The following RBMS3 variants were observed in gnomAD, a reference collection of about 807,000 sequenced individuals.
The protein encoded by RBMS3 is RNA-binding motif, single-stranded-interacting protein 3.
A neutral mutation model predicts 66.8 loss-of-function variants in RBMS3; 27 were observed. The ratio of observed to expected loss-of-function variants is 0.40; its 90% CI spans 0.30 to 0.56. The LOEUF is 0.56. RBMS3 is among the 20% of genes least tolerant of loss of function. RBMS3 has a pLI of 0.40. For missense variants in RBMS3, 513 were observed against 549.5 expected (o/e 0.93, Z 0.66); for synonymous variants, 188 against 183.0 (o/e 1.03, Z -0.22).
chr3:29,451,761 T>C (rs1038122526), intron 2 of RBMS3, among the ~76,000 whole-genome samples: 7 of 152,174 alleles, frequency 4.6e-5, no homozygotes, highest in Admixed American at 2.6e-4. Flanking sequence ...GATGGGCTAA[T>C]GGACAGGTAC....
chr3:29,840,438 T>C (rs2058633291), intron 6 of RBMS3, among the ~76,000 whole-genome samples: 1 of 152,074 alleles, frequency 6.6e-6, no homozygotes, highest in Non-Finnish European at 1.5e-5. Flanking sequence ...ATTTCTTTAA[T>C]GTTTGACATA....
At chr3:29,989,632 G>T (rs35728307) in intron 13 of RBMS3, among the ~76,000 whole-genome samples, 2,616 of 152,296 alleles carry the variant, frequency 0.017, 30 homozygotes, top group Admixed American at 0.027. Context: ...TCATACCAAG[G>T]TTTAGGAAAT....
At chr3:29,719,554 A>G (rs2053551058) in intron 4 of RBMS3, among the ~76,000 whole-genome samples, 1 of 152,164 alleles carries the variant, frequency 6.6e-6, no homozygotes, top group Non-Finnish European at 1.5e-5. Context: ...TACTCTTATT[A>G]GGTGAAACTA....
chr3:29,447,971 C>A (rs904630705), intron 2 of RBMS3, among the ~76,000 whole-genome samples: 1 of 152,104 alleles, frequency 6.6e-6, no homozygotes, highest in Non-Finnish European at 1.5e-5. Flanking sequence ...CAAAACTGAG[C>A]CTTGCTGATT....
intron 4 of RBMS3, among the ~76,000 whole-genome samples, chr3:29,738,156 C>T (rs929313529): frequency 6.6e-6 from 1 of 152,012 alleles, no homozygotes; most frequent in African/African-American, 2.4e-5. Context: ...AAAATTATTT[C>T]TTGACCTGAA....
At chr3:29,896,589 G>A (rs2060127967) in intron 8 of RBMS3, among the ~76,000 whole-genome samples, 1 of 151,560 alleles carries the variant, frequency 6.6e-6, no homozygotes, top group Admixed American at 6.6e-5. Flanking sequence ...TGAAGGATTT[G>A]AGCATTCAGT....
chr3:30,000,445 T>C (rs1699543073), intron 14 of RBMS3, among the ~76,000 whole-genome samples: 1 of 152,022 alleles, frequency 6.6e-6, no homozygotes, highest in Non-Finnish European at 1.5e-5. Flanking sequence ...TTGGTGGGAG[T>C]GTAAATTAGT....
chr3:29,777,224 T>A (rs1011360559), intron 6 of RBMS3, among the ~76,000 whole-genome samples: 1 of 151,908 alleles, frequency 6.6e-6, no homozygotes, highest in Non-Finnish European at 1.5e-5. Flanking sequence ...TAAATGCTTT[T>A]CTCCTATACT....
At chr3:29,566,166 T>C (rs1054109211) in intron 3 of RBMS3, among the ~76,000 whole-genome samples, 1 of 152,190 alleles carries the variant, frequency 6.6e-6, no homozygotes, top group South Asian at 2.1e-4. Context: ...CTGTTCTCTA[T>C]GATCTTGGCA....
At chr3:29,526,006 T>G (rs1415282519) in intron 3 of RBMS3, among the ~76,000 whole-genome samples, 1 of 152,182 alleles carries the variant, frequency 6.6e-6, no homozygotes, top group Non-Finnish European at 1.5e-5. Flanking sequence ...TTCCTTCACT[T>G]CTTTTGTTCT....
At chr3:29,674,415 G>A (rs1009970965) in intron 4 of RBMS3, among the ~76,000 whole-genome samples, 9 of 151,926 alleles carry the variant, frequency 5.9e-5, no homozygotes, top group Admixed American at 1.3e-4. Flanking sequence ...GTAATCAGGC[G>A]GGAGAAAGAA....
At chr3:29,772,281 T>G (rs1311237718) in intron 6 of RBMS3, among the ~76,000 whole-genome samples, 1 of 151,984 alleles carries the variant, frequency 6.6e-6, no homozygotes, top group African/African-American at 2.4e-5. Flanking sequence ...ATAATAAGTT[T>G]ATGTTGTTTT....
intron 2 of RBMS3, among the ~76,000 whole-genome samples, chr3:29,474,129 G>A (rs377019260): frequency 5.9e-5 from 9 of 152,372 alleles, no homozygotes; most frequent in African/African-American, 2.2e-4. Flanking sequence ...CTCTGCCAAG[G>A]ATAACCACGA....
At chr3:29,988,018 T>C in intron 12 of RBMS3, 125 bp from the exon 13 acceptor site, 1 of 713,926 alleles carries the variant, frequency 1.4e-6, no homozygotes, top group Non-Finnish European at 2.3e-6. Flanking sequence ...TAGTGAAAAT[T>C]GAGCTGGGAA....
At chr3:29,527,214 G>A (rs1266119) in intron 3 of RBMS3, among the ~76,000 whole-genome samples, 51,133 of 128,544 alleles carry the variant, frequency 0.4, 10,087 homozygotes, top group Middle Eastern at 0.51. Context: ...AAAAAAAGAT[G>A]GAAAGTAGCC....
At chr3:29,936,572 A>C (rs1169996470) in intron 11 of RBMS3, among the ~76,000 whole-genome samples, 1 of 152,072 alleles carries the variant, frequency 6.6e-6, no homozygotes, top group Non-Finnish European at 1.5e-5. Context: ...CTACTATATT[A>C]TTAGCAGGTT....
intron 1 of RBMS3, among the ~76,000 whole-genome samples, chr3:29,381,903 G>A (rs1449481893): frequency 6.6e-6 from 1 of 152,146 alleles, no homozygotes; most frequent in Admixed American, 6.5e-5. Flanking sequence ...AGAAAACAGG[G>A]CCTAGCATAG....
chr3:29,982,045 A>G lies in RBMS3; in HGVS notation c.1099-6098A>G, dbSNP rs565008032. On this transcript the variant is annotated intron_variant, in intron 12 of 14. Coordinates refer to ENST00000383767, the MANE Select transcript of RBMS3 (RefSeq NM_001003793.3). ...TCTGGTAGAATTCGGCCATGAATCC[A>G]TCTGCTCCTGGGCTTTTTTTGTTGG... Among the ~76,000 whole-genome samples, 8 of 152,272 alleles carry G rather than the reference A, an allele frequency of 5.3e-5. No individual in the cohort carries two copies. In the East Asian group the frequency reaches 1.4e-3, roughly 26 times the overall value.
At chr3:29,999,683 T>C (rs988410492) in intron 14 of RBMS3, among the ~76,000 whole-genome samples, 5 of 151,778 alleles carry the variant, frequency 3.3e-5, no homozygotes, top group Admixed American at 2.6e-4. Context: ...CTGCATGTTC[T>C]CACTCATAGG....
Sources: gnomAD v4.1 joint callset for allele counts (sites outside exome capture counted in the v4.1 genomes callset) on GRCh38, gnomAD v4.1.1 for gene constraint, MANE v1.5 for transcripts, NCBI Gene and HGNC (gene_info 2026-07-23, HGNC 2026-07-21) for gene names.